MROH1: variants seen among roughly 807,000 people sequenced by gnomAD.
The protein encoded by MROH1 is maestro heat-like repeat-containing protein family member 1.
In MROH1, 117 loss-of-function variants were observed where a neutral mutation model predicts 116.5. The observed-to-expected ratio is 1.00, with a 90% CI of 0.86 to 1.17. MROH1 has a LOEUF of 1.17. Ranked by LOEUF, MROH1 falls within the 50% of genes most tolerant of loss-of-function variation. The pLI is 0.00. For missense variants in MROH1, 1,873 were observed against 1,338.5 expected (o/e 1.40, Z -6.23); for synonymous variants, 921 against 583.9 (o/e 1.58, Z -8.32).
chr8:144,186,702 A>G (rs1403267542), intron 7 of MROH1, among the ~76,000 whole-genome samples: 4 of 152,236 alleles, frequency 2.6e-5, no homozygotes, highest in Admixed American at 2.6e-4. Context: ...TCACCCCAGG[A>G]GTGAGAGGCC....
intron 12 of MROH1, among the ~76,000 whole-genome samples, chr8:144,202,789 CT>C (rs1564465760): frequency 8.2e-4 from 15 of 18,190 alleles, no homozygotes; most frequent in African/African-American, 2.4e-3. Flanking sequence ...TGTGGAGGGG[CT>C]GGGAGGGAAG....
chr8:144,193,395 C>A (rs1244083949), intron 10 of MROH1: 1 of 152,294 alleles, frequency 6.6e-6, no homozygotes, highest in South Asian at 2.1e-4. Context: ...TTTTGAGGAA[C>A]AATTAATTCC....
At chr8:144,208,031 C>T (rs1339652677) in intron 12 of MROH1, among the ~76,000 whole-genome samples, 1 of 151,650 alleles carries the variant, frequency 6.6e-6, no homozygotes, top group Non-Finnish European at 1.5e-5. Context: ...CTGAAGCCTC[C>T]ACCTCCCAGG....
chr8:144,245,253 G>A lies in MROH1; in HGVS notation c.2864G>A (p.Arg955His), dbSNP rs1355363903. The stretch of plus-strand genomic sequence containing the variant: ...CTGCGCTACTTCCTGGAGCACCTGC[G>A]TGTCAGCGTGAGTACCTGGGTCCCT... ...LLLRYFLEHL[R>H]VSALVPFHNL... The change falls in exon 29 of 44, where the codon CGT becomes CAT. Residue 955 changes from arginine to histidine, a missense_variant. Physicochemically the swap from Arg to His is conservative, Grantham distance 29. Coordinates refer to ENST00000326134, the MANE Select transcript of MROH1 (RefSeq NM_032450.3). 9 of 777,634 alleles carry A rather than the reference G, an allele frequency of 1.2e-5. No individual in the cohort carries two copies. Among genetic ancestry groups the A allele is most frequent in the South Asian group, 4.0e-5 (3 of 74,568 alleles). The allele number at this position is 777,634 out of a possible 1,614,324, so 48.2% of individuals were successfully genotyped here. A position where few individuals can be genotyped will look rare whatever the true frequency, so the allele number is the denominator to read the frequency against.
rs1273657565 is a variant in MROH1, at chr8:144,261,356, A to G, written c.4840+7A>G. 5.7e-6 allele frequency: 4 copies of G among 703,446 alleles called. No individual in the cohort carries two copies. The highest frequency in any genetic ancestry group is 1.0e-5 in the Non-Finnish European group (4 of 386,748). 43.6% of individuals were successfully genotyped at this position (703,446 alleles called of 1,614,324 possible). On this transcript the variant is annotated splice_region_variant and intron_variant, in intron 43 of 43. Coordinates refer to ENST00000326134, the MANE Select transcript of MROH1 (RefSeq NM_032450.3). Reference sequence around the variant, plus strand: ...CTGGACCAGCTCATTGCGGGTGAGCACCCCTCCACGGGGCCCCTCCGCTGG... The same window carrying G: ...CTGGACCAGCTCATTGCGGGTGAGCGCCCCTCCACGGGGCCCCTCCGCTGG...
intron 1 of MROH1, among the ~76,000 whole-genome samples, chr8:144,149,757 T>C (rs1375889071): frequency 3.3e-5 from 5 of 152,104 alleles, no homozygotes; most frequent in Non-Finnish European, 7.4e-5. Flanking sequence ...CTGCCCATCA[T>C]GAGAAATGTG....
intron 14 of MROH1, among the ~76,000 whole-genome samples, chr8:144,223,838 G>A (rs868812852): frequency 2.0e-5 from 3 of 152,188 alleles, no homozygotes; most frequent in African/African-American, 7.2e-5. Flanking sequence ...GTCCACCAAG[G>A]CCAGCTCAGA....
At chr8:144,261,064 G>T in intron 41 of MROH1, 23 bp downstream of exon 41, 3 of 772,534 alleles carry the variant, frequency 3.9e-6, no homozygotes, top group Non-Finnish European at 7.2e-6. Flanking sequence ...GCCAGGCGGG[G>T]CGTGGTGGGT....
At chr8:144,249,627 G>T (rs1842503055) in intron 32 of MROH1, among the ~76,000 whole-genome samples, 1 of 152,134 alleles carries the variant, frequency 6.6e-6, no homozygotes. Flanking sequence ...CCCAGGGCCA[G>T]CGTCCTCCTG....
rs1844769945 is a variant in MROH1, at chr8:144,260,260, A to G, written c.4266A>G (p.Pro1422=). 2.6e-6 allele frequency: 2 copies of G among 766,470 alleles called. No individual in the cohort carries two copies. The highest frequency in any genetic ancestry group is 4.8e-6 in the Non-Finnish European group (2 of 417,362). 47.5% of individuals were successfully genotyped at this position (766,470 alleles called of 1,614,324 possible). Residue 1422 remains proline (P), a synonymous_variant, in exon 39 of 44, where the codon CCA becomes CCG. Coordinates refer to ENST00000326134, the MANE Select transcript of MROH1 (RefSeq NM_032450.3). ...ACGACGGGGACAACCCTCACAGCCC[A>G]GTGGCCCTGGAGGCCATGCTGGGCC... ...GLDDGDNPHS[P]VALEAMLGLA...
chr8:144,165,457 A>T (rs758153419), intron 3 of MROH1, among the ~76,000 whole-genome samples: 22 of 152,032 alleles, frequency 1.4e-4, no homozygotes, highest in Non-Finnish European at 2.9e-4. Context: ...TTTTGTAGAG[A>T]TGAGGTCTCG....
intron 4 of MROH1, among the ~76,000 whole-genome samples, chr8:144,168,709 G>A (rs760299828): frequency 1.3e-5 from 2 of 152,176 alleles, no homozygotes; most frequent in Non-Finnish European, 2.9e-5. Flanking sequence ...TCACTAAGTG[G>A]AGGCCTAATG....
In MROH1 at chr8:144,168,321, A is replaced by G. The variant is rs959139666; in HGVS notation, c.49A>G (p.Ile17Val). The G allele has an allele frequency of 5.0e-6, 8 of 1,608,446 alleles. No homozygotes were observed. The African/African-American group carries it at 1.1e-4, about 21-fold the overall frequency. Residue 17 changes from isoleucine to valine, a missense_variant, in exon 4 of 44, where the codon ATC becomes GTC. Transcript: ENST00000326134. ...KKLASTLLDA[I>V]TDKDPLVQEQ... ...GCTGGCCTCCACCCTGCTGGACGCC[A>G]TCACCGATAAGGACCCCCTGGTGCA...
At chr8:144,159,337 G>C (rs1209546381) in intron 1 of MROH1, among the ~76,000 whole-genome samples, 1 of 152,154 alleles carries the variant, frequency 6.6e-6, no homozygotes, top group Non-Finnish European at 1.5e-5. Context: ...CAGCCTGGGC[G>C]ACAAAAGCGA....
Position 144,223,168 on chromosome 8 carries a change from C to T in MROH1, c.1276C>T (p.Pro426Ser), listed in dbSNP as rs1298848756. The change falls in exon 14 of 44, where the codon CCT (proline) becomes TCT (serine). Residue 426 changes from proline to serine, a missense_variant. Pro to Ser is a moderately conservative substitution (Grantham distance 74, BLOSUM62 -1). Coordinates refer to ENST00000326134, the MANE Select transcript of MROH1 (RefSeq NM_032450.3). Reference sequence around the variant, plus strand: ...GGCCCACCACGGCTACCTGGAGCAGCCTGGAGGTGAGGCGATGATCGAGTA... The same window carrying T: ...GGCCCACCACGGCTACCTGGAGCAGTCTGGAGGTGAGGCGATGATCGAGTA... The part of the protein sequence containing the change: ...AMAHHGYLEQ[P>S]GGEAMIEYIV... 6.2e-7 allele frequency: 1 copy of T among 1,612,572 alleles called. No individual in the cohort carries two copies. The highest frequency in any genetic ancestry group is 1.3e-5 in the African/African-American group (1 of 74,850).
chr8:144,247,832 C>T (rs1354987217), intron 31 of MROH1, among the ~76,000 whole-genome samples, 153 bp downstream of exon 31: 1 of 152,256 alleles, frequency 6.6e-6, no homozygotes, highest in Non-Finnish European at 1.5e-5. Flanking sequence ...CATTAGTTGC[C>T]GGCGCTGCCC....
chr8:144,192,253 G>C, intron 9 of MROH1, 56 bp from the exon 10 acceptor site: 1 of 1,460,772 alleles, frequency 6.8e-7, no homozygotes, highest in Non-Finnish European at 9.3e-7. Context: ...ATTGACCTTA[G>C]TCAGTTCGGG....
intron 1 of MROH1, among the ~76,000 whole-genome samples, chr8:144,151,145 G>C (rs1476469619): frequency 6.6e-6 from 1 of 151,112 alleles, no homozygotes; most frequent in African/African-American, 2.5e-5. Flanking sequence ...CTACTCAGGA[G>C]GCCAAGGCAG....
intron 35 of MROH1, among the ~76,000 whole-genome samples, chr8:144,256,547 A>G (rs1471209989): frequency 1.2e-4 from 19 of 152,188 alleles, no homozygotes; most frequent in Admixed American, 1.2e-3. Context: ...CCCCTAGCAA[A>G]CTGAGTGGAA....
Sources: allele counts gnomAD v4.1 joint callset (sites outside exome capture counted in the v4.1 genomes callset), GRCh38; gene constraint gnomAD v4.1.1; transcripts MANE v1.5; gene names NCBI Gene and HGNC (gene_info 2026-07-23, HGNC 2026-07-21).